TMCC1: variants seen among roughly 807,000 people sequenced by gnomAD.
TMCC1 encodes the protein transmembrane and coiled-coil domains protein 1.
Under a neutral mutation model 52.4 loss-of-function variants are expected in TMCC1, and 15 were observed. The observed-to-expected ratio is 0.29, with a 90% confidence interval of 0.19 to 0.44. The LOEUF (loss-of-function observed/expected upper bound fraction) is 0.44, where lower values mean the gene tolerates loss of function less well. Among genes scored for constraint, TMCC1 ranks in the 20% least tolerant of loss-of-function variants. The pLI is 1.00. For synonymous variants in TMCC1, 279 were observed against 301.9 expected (o/e 0.92, Z 0.79); for missense variants, 503 against 806.0 (o/e 0.62, Z 4.55).
intron 2 of TMCC1, among the ~76,000 whole-genome samples, chr3:129,839,208 A>G (rs1324362697): frequency 2.0e-5 from 3 of 152,222 alleles, no homozygotes; most frequent in Non-Finnish European, 4.4e-5. Context: ...AGCAGTAACA[A>G]TGTATTGGAT....
At chr3:129,730,928 T>C (rs1041331989) in intron 4 of TMCC1, among the ~76,000 whole-genome samples, 6 of 152,362 alleles carry the variant, frequency 3.9e-5, no homozygotes, top group Middle Eastern at 3.4e-3. Flanking sequence ...TTTCACTAAA[T>C]TCTACCAAAC....
Position 129,861,635 on chromosome 3 carries a change from T to C in TMCC1, c.-184+18674A>G, listed in dbSNP as rs547136108. ...ACACATTAAAAGATGCTCACCTTGT[T>C]AGTCATTAAGGAAATACAAATAAAA... On this transcript the variant is annotated intron_variant, in intron 2 of 6. Transcript: ENST00000393238. Among the ~76,000 whole-genome samples the C allele has an allele frequency of 5.7e-4, 87 of 152,310 alleles. 1 individual carries two copies. In the South Asian group the frequency reaches 0.011, roughly 19 times the overall value.
chr3:129,812,080 G>A (rs1369085454), intron 4 of TMCC1, among the ~76,000 whole-genome samples: 1 of 150,224 alleles, frequency 6.7e-6, no homozygotes, highest in East Asian at 2.0e-4. Flanking sequence ...GGTGGCTCAT[G>A]CCTATAATCC....
intron 4 of TMCC1, among the ~76,000 whole-genome samples, chr3:129,785,088 GT>G (rs1260615697): frequency 6.6e-6 from 1 of 152,172 alleles, no homozygotes; most frequent in African/African-American, 2.4e-5. Context: ...TGGAGGAAAA[GT>G]TTTCCAGGTA....
At chr3:129,783,829 C>T (rs1054034965) in intron 4 of TMCC1, among the ~76,000 whole-genome samples, 1 of 152,070 alleles carries the variant, frequency 6.6e-6, no homozygotes, top group East Asian at 1.9e-4. Context: ...TTCGTCACAC[C>T]AAAAAGATGA....
chr3:129,678,101 G>T (rs541318810), intron 4 of TMCC1, among the ~76,000 whole-genome samples: 72 of 152,006 alleles, frequency 4.7e-4, no homozygotes, highest in African/African-American at 1.7e-3. Flanking sequence ...CTAATTTTTA[G>T]TGGAGGCGGG....
chr3:129,696,519 A>G (rs1295808126), intron 4 of TMCC1, among the ~76,000 whole-genome samples: 1 of 152,250 alleles, frequency 6.6e-6, no homozygotes, highest in Non-Finnish European at 1.5e-5. Flanking sequence ...TATTTGGCTC[A>G]GAATAAATCT....
At chr3:129,889,896 A>G (rs2061884495) in intron 1 of TMCC1, among the ~76,000 whole-genome samples, 1 of 151,734 alleles carries the variant, frequency 6.6e-6, no homozygotes, top group South Asian at 2.1e-4. Flanking sequence ...TTTGTACCTT[A>G]AAATATACTT....
At chr3:129,684,456 T>C (rs370681656) in intron 4 of TMCC1, among the ~76,000 whole-genome samples, 5 of 152,222 alleles carry the variant, frequency 3.3e-5, no homozygotes, top group Admixed American at 1.3e-4. Context: ...CAGGTGGCAC[T>C]AGGCCTGGGG....
chr3:129,867,959 G>A (rs2060731727), intron 2 of TMCC1, among the ~76,000 whole-genome samples: 1 of 152,112 alleles, frequency 6.6e-6, no homozygotes, highest in Non-Finnish European at 1.5e-5. Context: ...TACGTGCCAA[G>A]AACTCTGCTA....
chr3:129,812,114 G>A (rs1225425634), intron 4 of TMCC1, among the ~76,000 whole-genome samples: 1 of 151,884 alleles, frequency 6.6e-6, no homozygotes, highest in Non-Finnish European at 1.5e-5. Context: ...GGCCAAGGTG[G>A]GCAAATCACC....
At chr3:129,787,098 T>G (rs1434756695) in intron 4 of TMCC1, among the ~76,000 whole-genome samples, 2 of 152,192 alleles carry the variant, frequency 1.3e-5, no homozygotes, top group African/African-American at 4.8e-5. Flanking sequence ...AAATATACTC[T>G]GGCAGCACAT....
chr3:129,853,635 C>CA (rs150947206), intron 2 of TMCC1, among the ~76,000 whole-genome samples: 14,862 of 112,724 alleles, frequency 0.13, 1,158 homozygotes, highest in African/African-American at 0.25. Flanking sequence ...CACCCCACCT[C>CA]AAAAAAAAAA....
At chr3:129,718,509 A>G (rs529971202) in intron 4 of TMCC1, among the ~76,000 whole-genome samples, 3 of 152,344 alleles carry the variant, frequency 2.0e-5, no homozygotes, top group African/African-American at 4.8e-5. Flanking sequence ...CTCGAATAAT[A>G]CCATGAGATG....
chr3:129,773,466 C>T lies in TMCC1; in HGVS notation c.576+54337G>A, dbSNP rs1027781080. 4.6e-5 allele frequency among the ~76,000 whole-genome samples: 7 copies of T among 152,124 alleles called. No homozygotes were observed. The East Asian group carries it at 7.7e-4, about 17-fold the overall frequency. On this transcript the variant is annotated intron_variant, in intron 4 of 6. Coordinates refer to ENST00000393238, the MANE Select transcript of TMCC1 (RefSeq NM_001017395.5). ...AAGGAAAGAGCTAGACTTCTCTGAA[C>T]GTACTTTGTTTTGTAGATTTGAATT...
At chr3:129,852,377 A>G (rs941794763) in intron 2 of TMCC1, among the ~76,000 whole-genome samples, 3 of 150,842 alleles carry the variant, frequency 2.0e-5, no homozygotes, top group African/African-American at 7.3e-5. Flanking sequence ...GAATTGCTTG[A>G]ACCCGGGAGG....
intron 2 of TMCC1, among the ~76,000 whole-genome samples, chr3:129,875,405 C>T (rs767416934): frequency 1.2e-4 from 17 of 145,840 alleles, no homozygotes; most frequent in Non-Finnish European, 2.4e-4. Flanking sequence ...GCAGGAGAAT[C>T]GCTTGAACCC....
intron 2 of TMCC1, among the ~76,000 whole-genome samples, chr3:129,848,809 C>T (rs1323334514): frequency 1.3e-5 from 2 of 152,122 alleles, no homozygotes; most frequent in African/African-American, 2.4e-5. Context: ...TCACACTTAA[C>T]TCTTCAAATC....
intron 4 of TMCC1, among the ~76,000 whole-genome samples, chr3:129,681,930 AAAAAATAAATAAAAT>A (rs1237952640): frequency 2.0e-5 from 3 of 151,492 alleles, no homozygotes; most frequent in Non-Finnish European, 4.4e-5. Context: ...ATTTTTAATT[AAAAAATAAATAAAAT>A]AAAAATAAAG....
Sources: allele counts gnomAD v4.1 joint callset (sites outside exome capture counted in the v4.1 genomes callset), GRCh38; gene constraint gnomAD v4.1.1; transcripts MANE v1.5; gene names NCBI Gene and HGNC (gene_info 2026-07-23, HGNC 2026-07-21).